Variants in ZNF665 observed in about 807,000 individuals in gnomAD.
The protein encoded by ZNF665 is zinc finger protein 665.
Under a neutral mutation model 7.9 loss-of-function variants are expected in ZNF665, and 6 were observed. That is an observed-to-expected ratio of 0.76 (90% CI 0.42 to 1.50). The LOEUF (loss-of-function observed/expected upper bound fraction) is 1.50. ZNF665 is among the 40% of genes most tolerant of loss of function. ZNF665 has a pLI of 0.01. For missense variants in ZNF665, 819 were observed against 806.7 expected (o/e 1.02, Z -0.18); for synonymous variants, 242 against 274.5 (o/e 0.88, Z 1.17).
Position 53,166,960 on chromosome 19 carries a change from G to T in ZNF665, c.143-613C>A, listed in dbSNP as rs1290824744. Among the ~76,000 whole-genome samples the T allele has an allele frequency of 2.6e-5, 4 of 152,074 alleles. No homozygotes were observed. In the East Asian group the frequency reaches 7.7e-4, roughly 29 times the overall value. The stretch of plus-strand genomic sequence containing the variant: ...TATACCCACACAGAGCAAACATTTT[G>T]CAACATTAACAAGTGGTATATAACA... On this transcript the variant is annotated intron_variant, in intron 3 of 3. Transcript: ENST00000396424.
chr19:53,176,243 A>G (rs2090697334), intron 2 of ZNF665, among the ~76,000 whole-genome samples: 1 of 152,192 alleles, frequency 6.6e-6, no homozygotes, highest in African/African-American at 2.4e-5. Flanking sequence ...TGCAAAAGGG[A>G]AGAAGGGCTG....
chr19:53,167,042 G>T (rs917661590), intron 3 of ZNF665, among the ~76,000 whole-genome samples: 4 of 151,354 alleles, frequency 2.6e-5, no homozygotes, highest in Non-Finnish European at 4.4e-5. Context: ...TGCTCTTGTT[G>T]CCCAGGCTGG....
In ZNF665 at chr19:53,164,981, C is replaced by T. The variant is rs141250286; in HGVS notation, c.1509G>A (p.Arg503=). The change falls in exon 4 of 4, where the codon AGG becomes AGA. Residue 503 remains arginine (R), a synonymous_variant. Transcript: ENST00000396424. ...TTTCTCCAGTATGAACTCTCCAATG[C>T]CTTGCAAGTTGTGATGTTTGACTGA... is the stretch of plus-strand genomic sequence containing the variant. ...KAFSQTSQLA[R]HWRVHTGEKP... is the part of the protein sequence containing the mutation. 8 of 1,612,210 alleles carry T rather than the reference C, an allele frequency of 5.0e-6. No individual in the cohort carries two copies. The East Asian group carries it at 1.6e-4, about 32-fold the overall frequency.
At chr19:53,168,454 C>A (rs1441523714) in intron 3 of ZNF665, among the ~76,000 whole-genome samples, 5 of 152,066 alleles carry the variant, frequency 3.3e-5, no homozygotes, top group Non-Finnish European at 7.4e-5. Flanking sequence ...TTAAAGAAGA[C>A]CTAAATAAAT....
rs1173446231 is a variant in ZNF665, at chr19:53,182,875, T to C, written c.15+9A>G. 6.2e-7 allele frequency: 1 copy of C among 1,612,802 alleles called. No homozygotes were observed. Among genetic ancestry groups the C allele is most frequent in the African/African-American group, 1.3e-5 (1 of 74,898 alleles). On this transcript the variant is annotated intron_variant, in intron 2 of 3. Transcript: ENST00000396424. ...GAGACAGAACAATCCACCGAGAATA[T>C]CATCTCACCTGAGGAAGAGCCATCC...
rs145168492 is a variant in ZNF665, at chr19:53,189,316, C to T, written c.-46+3996G>A. On this transcript the variant is annotated intron_variant, in intron 1 of 3. Transcript: ENST00000396424. ...AGAGATAAAAGAAAAGGCAGCTGCG[C>T]CCGGGGGACCACTACCACCAATGCA... is the stretch of plus-strand genomic sequence containing the variant. Among the ~76,000 whole-genome samples the T allele has an allele frequency of 7.3e-3, 1,103 of 151,906 alleles. 39 individuals carry two copies. The highest frequency in any genetic ancestry group is 0.026 in the African/African-American group (1,073 of 41,374).
At chr19:53,171,524 A>ATATATATTTTTTTTTTT (rs372855271) in intron 3 of ZNF665, among the ~76,000 whole-genome samples, 1 of 69,318 alleles carries the variant, frequency 1.4e-5, no homozygotes, top group African/African-American at 5.2e-5. Flanking sequence ...ATATATATAT[A>ATATATATTTTTTTTTTT]TTTTTTTTTT....
chr19:53,189,029 T>C (rs147784225), intron 1 of ZNF665, among the ~76,000 whole-genome samples: 1 of 148,340 alleles, frequency 6.7e-6, no homozygotes, highest in African/African-American at 2.5e-5. Context: ...AAAGAGTAGA[T>C]GAGAAAGAAA....
chr19:53,173,241 A>G (rs2090671440), intron 3 of ZNF665, among the ~76,000 whole-genome samples: 1 of 151,780 alleles, frequency 6.6e-6, no homozygotes, highest in Non-Finnish European at 1.5e-5. Flanking sequence ...CATCCATTTC[A>G]TTCTCCTGTG....
At chr19:53,173,372 C>CATTTT (rs2090673008) in intron 3 of ZNF665, among the ~76,000 whole-genome samples, 1 of 78,880 alleles carries the variant, frequency 1.3e-5, no homozygotes, top group Non-Finnish European at 2.3e-5. Context: ...TTTTTTCACT[C>CATTTT]TTTTTTTTTT....
In ZNF665 at chr19:53,165,748, T is replaced by G; in HGVS notation, c.742A>C (p.Asn248His). The change falls in exon 4 of 4, where the codon AAC becomes CAC. Residue 248 changes from asparagine to histidine, a missense_variant. By Grantham distance (68) the Asn-to-His change is moderately conservative (BLOSUM62 1). Transcript: ENST00000396424. Reference sequence around the variant, plus strand: ...TGAATTCTCTGATGACCTGCAAGGTTTGAAGGTTGACTGAAGACCTTTCCA... The same window carrying G: ...TGAATTCTCTGATGACCTGCAAGGTGTGAAGGTTGACTGAAGACCTTTCCA... Reference protein sequence around the residue: ...ECGKVFSQPSNLAGHQRIHTG... With the variant: ...ECGKVFSQPSHLAGHQRIHTG... 1.9e-6 allele frequency: 3 copies of G among 1,613,558 alleles called. No individual in the cohort carries two copies. Among genetic ancestry groups the G allele is most frequent in the African/African-American group, 1.3e-5 (1 of 74,818 alleles).
intron 3 of ZNF665, among the ~76,000 whole-genome samples, chr19:53,174,945 CAAA>C (rs1168901820): frequency 2.3e-5 from 1 of 44,248 alleles, no homozygotes; most frequent in Non-Finnish European, 5.0e-5. Flanking sequence ...AACTCCGTCT[CAAA>C]AAAAAAAAAA....
In ZNF665 at chr19:53,166,260, C is replaced by G. The variant is rs749494908; in HGVS notation, c.230G>C (p.Arg77Thr). The G allele has an allele frequency of 2.5e-6, 4 of 1,613,906 alleles. No individual in the cohort carries two copies. Among genetic ancestry groups the G allele is most frequent in the Non-Finnish European group, 3.4e-6 (4 of 1,179,860 alleles). Reference sequence around the variant, plus strand: ...GCCTACAGTGTCACAGCTTTCAAGTCTCTCCAACTTCACCGTGTAGAACGC... The same window carrying G: ...GCCTACAGTGTCACAGCTTTCAAGTGTCTCCAACTTCACCGTGTAGAACGC... The part of the protein sequence containing the change: ...GEAFYTVKLE[R>T]LESCDTVGLS... The change falls in exon 4 of 4, where the codon AGA becomes ACA. Residue 77 changes from arginine (R) to threonine (T), a missense_variant. Arg to Thr is a moderately conservative substitution (Grantham distance 71). Transcript: ENST00000396424.
At chr19:53,182,349 C>T (rs988559615) in intron 2 of ZNF665, 4 of 260,088 alleles carry the variant, frequency 1.5e-5, no homozygotes, top group East Asian at 8.9e-5. Flanking sequence ...CCAGCCTAGG[C>T]GACAGAGCGA....
At chr19:53,166,809 A>C (rs897420074) in intron 3 of ZNF665, among the ~76,000 whole-genome samples, 1 of 152,350 alleles carries the variant, frequency 6.6e-6, no homozygotes, top group East Asian at 1.9e-4. Context: ...GTAATGAATA[A>C]TTAAAGAACT....
At chr19:53,189,405 G>T (rs1164385187) in intron 1 of ZNF665, among the ~76,000 whole-genome samples, 1 of 150,600 alleles carries the variant, frequency 6.6e-6, no homozygotes, top group Non-Finnish European at 1.5e-5. Context: ...AAGGCAGAAG[G>T]GGCAGGGTAA....
intron 3 of ZNF665, among the ~76,000 whole-genome samples, chr19:53,167,117 T>G (rs1295922016): frequency 2.6e-5 from 4 of 152,070 alleles, no homozygotes; most frequent in Non-Finnish European, 5.9e-5. Flanking sequence ...TTCTCCTGCC[T>G]CAGCCTCCTG....
chr19:53,166,205 T>G lies in ZNF665; in HGVS notation c.285A>C (p.Thr95=). The G allele has an allele frequency of 6.2e-7, 1 of 1,614,002 alleles. No individual in the cohort carries two copies. Among genetic ancestry groups the G allele is most frequent in the Non-Finnish European group, 8.5e-7 (1 of 1,179,896 alleles). The part of the protein sequence containing the change: ...GLSFQEVQKN[T]YDFECQWKDD... ...CTTTCCACTGACACTCAAAGTCGTA[T>G]GTATTTTTCTGAACTTCCTGGAAGG... The change falls in exon 4 of 4, where the codon ACA becomes ACC. Residue 95 remains threonine (T), a synonymous_variant. Transcript: ENST00000396424.
rs112479021 is a variant in ZNF665, at chr19:53,176,384, G to A, written c.16-813C>T. On this transcript the variant is annotated intron_variant, in intron 2 of 3. Transcript: ENST00000396424. ...AGATGATAACATGGAGGCTCCTTGA[G>A]TGGTGCACCCACAGAGGGCATGGAA... Among the ~76,000 whole-genome samples, 557 of 152,212 alleles carry A rather than the reference G, an allele frequency of 3.7e-3. 7 individuals are homozygous for A. The highest frequency in any genetic ancestry group is 0.013 in the African/African-American group (523 of 41,538).
Sources: gnomAD v4.1 joint callset for allele counts (sites outside exome capture counted in the v4.1 genomes callset) on GRCh38, gnomAD v4.1.1 for gene constraint, MANE v1.5 for transcripts, NCBI Gene and HGNC (gene_info 2026-07-23, HGNC 2026-07-21) for gene names.